Variants in GRB10 observed in about 807,000 individuals in gnomAD.
GRB10 encodes the protein growth factor receptor bound protein 10.
GRB10 carries 20 observed loss-of-function variants against 80.9 expected under a neutral mutation model. The observed-to-expected ratio is 0.25, with a 90% CI of 0.17 to 0.36. The LOEUF (loss-of-function observed/expected upper bound fraction) is 0.36, where lower values mean the gene tolerates loss of function less well. Ranked by LOEUF, GRB10 falls within the 10% of genes least tolerant of loss-of-function variation. The pLI, the probability that GRB10 is intolerant of heterozygous loss-of-function variation, is 1.00. For synonymous variants in GRB10, 291 were observed against 291.5 expected, an observed-to-expected ratio of 1.00 and a Z score of 0.02; for missense variants, 548 against 747.7, an observed-to-expected ratio of 0.73 and a Z score of 3.12.
chr7:50,686,890 T>G (rs1182082887), intron 5 of GRB10, among the ~76,000 whole-genome samples: 1 of 152,222 alleles, frequency 6.6e-6, no homozygotes, highest in Non-Finnish European at 1.5e-5. Flanking sequence ...TTTTAATAAT[T>G]TTCTTTAGTT....
chr7:50,608,107 T>C (rs190578022), intron 13 of GRB10, among the ~76,000 whole-genome samples: 1 of 152,150 alleles, frequency 6.6e-6, no homozygotes, highest in South Asian at 2.1e-4. Flanking sequence ...CTTTCCAAAG[T>C]TGACAAAAAG....
chr7:50,702,572 C>T (rs566397972), intron 5 of GRB10, among the ~76,000 whole-genome samples: 61 of 152,308 alleles, frequency 4.0e-4, no homozygotes, highest in African/African-American at 1.4e-3. Context: ...GGTCACGGAG[C>T]AGAGGTAGGG....
chr7:50,766,245 G>T (rs768023732), intron 2 of GRB10, among the ~76,000 whole-genome samples: 8 of 152,128 alleles, frequency 5.3e-5, no homozygotes, highest in Non-Finnish European at 8.8e-5. Context: ...TGCCCTTGTG[G>T]AGGGCTCCCC....
intron 3 of GRB10, among the ~76,000 whole-genome samples, chr7:50,736,799 A>AT (rs980284993): frequency 2.6e-5 from 4 of 152,078 alleles, no homozygotes; most frequent in Non-Finnish European, 5.9e-5. Flanking sequence ...AAAATAACCA[A>AT]TTTTTTTTAA....
intron 7 of GRB10, among the ~76,000 whole-genome samples, chr7:50,657,880 A>G (rs2058805116): frequency 6.6e-6 from 1 of 151,788 alleles, no homozygotes; most frequent in Non-Finnish European, 1.5e-5. Flanking sequence ...GGTTTCCTCC[A>G]CTAATTCTTT....
chr7:50,743,602 T>C (rs1264303944), intron 3 of GRB10, among the ~76,000 whole-genome samples: 1 of 152,246 alleles, frequency 6.6e-6, no homozygotes, highest in African/African-American at 2.4e-5. Flanking sequence ...GTTACTCCTG[T>C]TGCACAGCTG....
chr7:50,786,618 T>A (rs1029877034), upstream of GRB10, among the ~76,000 whole-genome samples: 1 of 152,232 alleles, frequency 6.6e-6, no homozygotes, highest in African/African-American at 2.4e-5. Context: ...GGGAAAACTA[T>A]CTTTAATTTA....
intron 2 of GRB10, among the ~76,000 whole-genome samples, chr7:50,776,258 G>C (rs1044640602): frequency 6.6e-6 from 1 of 152,104 alleles, no homozygotes; most frequent in Non-Finnish European, 1.5e-5. Context: ...CTGTCACGCA[G>C]GCTAGAGCGC....
chr7:50,789,814 C>T (rs1028088138), intron 1 of GRB10, among the ~76,000 whole-genome samples: 1 of 152,202 alleles, frequency 6.6e-6, no homozygotes, highest in Admixed American at 6.5e-5. Flanking sequence ...CAGAACCACT[C>T]ATTTCTACCT....
At chr7:50,610,373 G>A (rs2049297904) in intron 13 of GRB10, among the ~76,000 whole-genome samples, 1 of 152,234 alleles carries the variant, frequency 6.6e-6, no homozygotes, top group Non-Finnish European at 1.5e-5. Flanking sequence ...CGGCCCCGAG[G>A]CCATCACTGC....
At chr7:50,754,562 A>T (rs776994755) in intron 3 of GRB10, among the ~76,000 whole-genome samples, 1 of 152,198 alleles carries the variant, frequency 6.6e-6, no homozygotes, top group African/African-American at 2.4e-5. Flanking sequence ...CGGCAGTGTG[A>T]GCTGTCTGGA....
chr7:50,625,534 C>T (rs1472799823), intron 8 of GRB10, among the ~76,000 whole-genome samples: 2 of 152,174 alleles, frequency 1.3e-5, no homozygotes. Context: ...CACTCATGGA[C>T]GTCCCAAGCT....
At chr7:50,622,714 C>T (rs1344090179) in intron 8 of GRB10, among the ~76,000 whole-genome samples, 2 of 152,146 alleles carry the variant, frequency 1.3e-5, no homozygotes, top group Non-Finnish European at 2.9e-5. Flanking sequence ...TCTGCAATCC[C>T]ATTTTCAAGT....
rs1238812676 is a variant in GRB10, at chr7:50,735,986, G to A, written c.-46-3618C>T. 3.3e-5 allele frequency among the ~76,000 whole-genome samples: 5 copies of A among 152,174 alleles called. 1 individual carries two copies. Among genetic ancestry groups the A allele is most frequent in the South Asian group, 4.1e-4 (2 of 4,836 alleles). On this transcript the variant is annotated intron_variant, in intron 3 of 18. Transcript: ENST00000401949. ...ACAACACGGAGAACTCACACTTCCCGATTTCAAAACTTACTAACGGCTGGG... is the reference window on the plus strand; with the variant it reads ...ACAACACGGAGAACTCACACTTCCCAATTTCAAAACTTACTAACGGCTGGG...
chr7:50,740,803 A>G (rs1172521080), intron 3 of GRB10, among the ~76,000 whole-genome samples: 2 of 151,796 alleles, frequency 1.3e-5, no homozygotes, highest in African/African-American at 4.8e-5. Flanking sequence ...CTCCTTTTCA[A>G]AATAATATTC....
At chr7:50,732,194 T>C (rs1262156203) in intron 4 of GRB10, 78 bp downstream of exon 4, 27 of 1,444,982 alleles carry the variant, frequency 1.9e-5, no homozygotes, top group Non-Finnish European at 2.0e-5. Context: ...AAACGATCCA[T>C]GGCTGCTGGC....
rs1361733431 is a variant in GRB10, at chr7:50,605,380, C to T, written c.1299G>A (p.Val433=). ...PVRSVSENSL[V]AMDFSGQTGR... ...CTGTTTGCCCAGAAAAATCCATTGC[C>T]ACGAGGGAGTTCTCGGAGACACTGC... Residue 433 remains valine (V), a synonymous_variant, in exon 15 of 19, where the codon GTG becomes GTA. Coordinates refer to ENST00000401949, the MANE Select transcript of GRB10 (RefSeq NM_001350814.2). 3 of 1,614,114 alleles carry T rather than the reference C, an allele frequency of 1.9e-6. No homozygotes were observed. The highest frequency in any genetic ancestry group is 4.5e-5 in the East Asian group (2 of 44,890).
rs373419464 is a variant in GRB10 at position 50,703,869 on chromosome 7, C to G, written c.91G>C (p.Ala31Pro). 1.2e-5 allele frequency: 19 copies of G among 1,613,390 alleles called. No homozygotes were observed. In the East Asian group the frequency reaches 4.2e-4, roughly 36 times the overall value. The change falls in exon 5 of 19, where the codon GCA (alanine) becomes CCA (proline). Residue 31 changes from alanine to proline, a missense_variant. This residue lies in a region of GRB10 where 245 missense variants were observed against 229.3 expected (regional missense o/e 1.07). Transcript: ENST00000401949. ...GACTGTGCGGGGAGTCCTGGTCCTG[C>G]CGGGTCTTGTTGACTGCGAGGTGTC... ...EQTPRSQQDP[A>P]GPGLPAQSDR...
intron 3 of GRB10, among the ~76,000 whole-genome samples, chr7:50,745,624 A>G (rs1333845287): frequency 4.6e-5 from 7 of 152,222 alleles, no homozygotes; most frequent in Non-Finnish European, 7.3e-5. Context: ...AGTGAATTTC[A>G]TAACTGTTGG....
Sources: allele counts gnomAD v4.1 joint callset (sites outside exome capture counted in the v4.1 genomes callset), GRCh38; gene constraint gnomAD v4.1.1; regional missense constraint gnomAD v4.1.1; transcripts MANE v1.5; gene names NCBI Gene and HGNC (gene_info 2026-07-23, HGNC 2026-07-21).